CA10: variants seen among roughly 807,000 people sequenced by gnomAD.
The protein encoded by CA10 is carbonic anhydrase 10 (inactive), also known as carbonic anhydrase-related protein 10.
Under a neutral mutation model 44.2 loss-of-function variants are expected in CA10, and 14 were observed. The observed-to-expected ratio is 0.32, with a 90% CI of 0.21 to 0.50. CA10 has a LOEUF of 0.50. Ranked by LOEUF, CA10 falls within the 20% of genes least tolerant of loss-of-function variation. The pLI, the probability that CA10 is intolerant of heterozygous loss-of-function variation, is 0.99. For synonymous variants in CA10, 159 were observed against 141.6 expected (o/e 1.12, Z -0.87); for missense variants, 350 against 409.7 (o/e 0.85, Z 1.26).
At chr17:51,654,889 A>T (rs977447836) in intron 4 of CA10, among the ~76,000 whole-genome samples, 2 of 151,680 alleles carry the variant, frequency 1.3e-5, no homozygotes, top group African/African-American at 4.9e-5. Flanking sequence ...TAAAATATAG[A>T]AGTAAAAAAC....
intron 2 of CA10, among the ~76,000 whole-genome samples, chr17:51,944,672 G>A (rs1313408324): frequency 6.6e-6 from 1 of 151,988 alleles, no homozygotes; most frequent in Non-Finnish European, 1.5e-5. Flanking sequence ...AAAACAATGT[G>A]CACTGGAGGG....
At chr17:52,027,070 T>C (rs905350739) in intron 2 of CA10, among the ~76,000 whole-genome samples, 5 of 152,098 alleles carry the variant, frequency 3.3e-5, no homozygotes, top group African/African-American at 1.2e-4. Flanking sequence ...TTTGTTTTCC[T>C]GGAACTAGAT....
At chr17:52,052,799 A>C (rs966449207) in intron 2 of CA10, among the ~76,000 whole-genome samples, 1 of 152,088 alleles carries the variant, frequency 6.6e-6, no homozygotes, top group Non-Finnish European at 1.5e-5. Context: ...CAACCTATGA[A>C]AGCCTTGGCT....
At chr17:51,975,888 A>G (rs1984446615) in intron 2 of CA10, among the ~76,000 whole-genome samples, 1 of 151,708 alleles carries the variant, frequency 6.6e-6, no homozygotes, top group African/African-American at 2.4e-5. Context: ...AAAAAAAAAA[A>G]AAAAAGCAAG....
At chr17:51,903,000 A>G (rs1407019408) in intron 3 of CA10, among the ~76,000 whole-genome samples, 1 of 152,102 alleles carries the variant, frequency 6.6e-6, no homozygotes, top group East Asian at 1.9e-4. Flanking sequence ...ACAAATAAAA[A>G]CTGCCTTCTT....
intron 3 of CA10, among the ~76,000 whole-genome samples, chr17:51,850,230 T>G (rs1978729502): frequency 6.6e-6 from 1 of 152,248 alleles, no homozygotes; most frequent in Non-Finnish European, 1.5e-5. Context: ...CAGCATGGCA[T>G]ATGTATAAAT....
At chr17:51,858,430 CCTG>C (rs1250820703) in intron 3 of CA10, among the ~76,000 whole-genome samples, 1 of 152,118 alleles carries the variant, frequency 6.6e-6, no homozygotes, top group Non-Finnish European at 1.5e-5. Context: ...TCAGTGTTTT[CCTG>C]AACAGATTTC....
chr17:51,656,575 A>G (rs1170807891), intron 4 of CA10, among the ~76,000 whole-genome samples: 5 of 152,216 alleles, frequency 3.3e-5, no homozygotes, highest in African/African-American at 4.8e-5. Flanking sequence ...TGGTGAATTT[A>G]TAGTTAATAC....
chr17:52,065,584 C>T (rs1487451257), intron 2 of CA10, among the ~76,000 whole-genome samples: 1 of 152,170 alleles, frequency 6.6e-6, no homozygotes, highest in East Asian at 1.9e-4. Flanking sequence ...TCATATGGCC[C>T]TCTTCTCTGA....
Position 51,932,458 on chromosome 17 carries a change from C to T in CA10, c.137-1326G>A, listed in dbSNP as rs375315680. ...CTTTGACTCTCTTATTTGTTATAGG[C>T]AACTGTAACAGACATGGGAGGAGAA... is the stretch of plus-strand genomic sequence containing the variant. On this transcript the variant is annotated intron_variant, in intron 2 of 8. Coordinates refer to ENST00000451037, the MANE Select transcript of CA10 (RefSeq NM_020178.5). Among the ~76,000 whole-genome samples, 16 of 152,220 alleles carry T rather than the reference C, an allele frequency of 1.1e-4. No individual in the cohort carries two copies. The South Asian group carries it at 1.9e-3, about 18-fold the overall frequency.
intron 4 of CA10, among the ~76,000 whole-genome samples, chr17:51,685,809 A>G (rs1914989293): frequency 6.6e-6 from 1 of 152,194 alleles, no homozygotes; most frequent in African/African-American, 2.4e-5. Context: ...CAGAAAAGTC[A>G]GAGGGAGGAA....
intron 3 of CA10, among the ~76,000 whole-genome samples, chr17:51,763,552 C>A (rs1035328534): frequency 7.9e-5 from 12 of 152,218 alleles, no homozygotes; most frequent in African/African-American, 2.9e-4. Flanking sequence ...ATGAAATCAT[C>A]TGACCCATTT....
chr17:52,051,568 G>T (rs1987073633), intron 2 of CA10, among the ~76,000 whole-genome samples: 1 of 152,006 alleles, frequency 6.6e-6, no homozygotes, highest in African/African-American at 2.4e-5. Flanking sequence ...CTAAAGAAAT[G>T]CAAATCAAAA....
chr17:51,928,016 C>T (rs1481663398), intron 3 of CA10, among the ~76,000 whole-genome samples: 1 of 152,044 alleles, frequency 6.6e-6, no homozygotes, highest in African/African-American at 2.4e-5. Context: ...TAAGGGCGTG[C>T]CATTTGTAAA....
chr17:51,763,576 G>A lies in CA10; in HGVS notation c.280-15758C>T, dbSNP rs113651783. On this transcript the variant is annotated intron_variant, in intron 3 of 8. Coordinates refer to ENST00000451037, the MANE Select transcript of CA10 (RefSeq NM_020178.5). ...TCTGACCCATTTTAACACCCTTTCC[G>A]TCCCACATTCACCATTCTAGTCCAC... 4.5e-3 allele frequency among the ~76,000 whole-genome samples: 690 copies of A among 152,178 alleles called. 4 individuals carry two copies. The highest frequency in any genetic ancestry group is 0.012 in the South Asian group (58 of 4,808).
At chr17:51,743,163 C>A (rs1179866400) in intron 4 of CA10, among the ~76,000 whole-genome samples, 1 of 152,068 alleles carries the variant, frequency 6.6e-6, no homozygotes, top group Non-Finnish European at 1.5e-5. Flanking sequence ...CCCTTCTGCC[C>A]CCTTGAAAAG....
At chr17:52,069,328 A>T (rs144955576) in intron 2 of CA10, among the ~76,000 whole-genome samples, 1 of 152,284 alleles carries the variant, frequency 6.6e-6, no homozygotes, top group African/African-American at 2.4e-5. Flanking sequence ...CTCAGCCAAG[A>T]GTAACCCTCT....
At chr17:51,948,518 A>G (rs1983367825) in intron 2 of CA10, among the ~76,000 whole-genome samples, 1 of 152,180 alleles carries the variant, frequency 6.6e-6, no homozygotes, top group Non-Finnish European at 1.5e-5. Context: ...CAAGCTCCAG[A>G]GTCCTCAACA....
chr17:51,854,981 A>T (rs1978974468), intron 3 of CA10, among the ~76,000 whole-genome samples: 1 of 152,180 alleles, frequency 6.6e-6, no homozygotes, highest in African/African-American at 2.4e-5. Flanking sequence ...GTAACTCCAG[A>T]GTCAGTGCTC....
Sources: gnomAD v4.1 joint callset for allele counts (sites outside exome capture counted in the v4.1 genomes callset) on GRCh38, gnomAD v4.1.1 for gene constraint, MANE v1.5 for transcripts, NCBI Gene and HGNC (gene_info 2026-07-23, HGNC 2026-07-21) for gene names.